SLC2A12: variants seen among roughly 807,000 people sequenced by gnomAD.
SLC2A12 encodes the protein solute carrier family 2 member 12.
SLC2A12 carries 23 observed loss-of-function variants against 41.8 expected under a neutral mutation model. The ratio of observed to expected loss-of-function variants is 0.55; its 90% CI spans 0.40 to 0.78. The LOEUF (loss-of-function observed/expected upper bound fraction) is 0.78. Ranked by LOEUF, SLC2A12 falls within the 30% of genes least tolerant of loss-of-function variation. The pLI, the probability that SLC2A12 is intolerant of heterozygous loss-of-function variation, is 0.00. For missense variants in SLC2A12, 654 were observed against 745.6 expected, an observed-to-expected ratio of 0.88 and a Z score of 1.43; for synonymous variants, 295 against 285.9, an observed-to-expected ratio of 1.03 and a Z score of -0.32.
chr6:134,045,283 G>T (rs1279384505), intron 1 of SLC2A12, among the ~76,000 whole-genome samples: 2 of 152,260 alleles, frequency 1.3e-5, no homozygotes, highest in African/African-American at 4.8e-5. Flanking sequence ...CAAATTCACA[G>T]ATTGGAAAGT....
At chr6:134,008,932 C>A (rs1257853460) in intron 2 of SLC2A12, 3 of 152,232 alleles carry the variant, frequency 2.0e-5, no homozygotes, top group Non-Finnish European at 4.4e-5. Flanking sequence ...AGGGTTTCTT[C>A]TTCCAGCTTC....
Position 134,028,768 on chromosome 6 carries a change from C to T in SLC2A12, c.1057G>A (p.Val353Met). ...SKTFLCIGSS[V>M]MAASLVTMGI... Reference sequence around the variant, plus strand: ...ATGGTCACCAACGAAGCTGCCATCACAGAGGAGCCAATGCAGAGGAATGTT... The same window carrying T: ...ATGGTCACCAACGAAGCTGCCATCATAGAGGAGCCAATGCAGAGGAATGTT... Residue 353 changes from valine (V) to methionine (M), a missense_variant, in exon 2 of 5, where the codon GTG (valine) becomes ATG (methionine). Physicochemically the swap from Val to Met is conservative, Grantham distance 21. Around this residue, in one of 3 missense-constraint regions of SLC2A12, gnomAD observed 411 missense variants for 412.1 expected, o/e 1.00. Transcript: ENST00000275230. The T allele has an allele frequency of 6.2e-7, 1 of 1,614,200 alleles. No homozygotes were observed. The highest frequency in any genetic ancestry group is 8.5e-7 in the Non-Finnish European group (1 of 1,180,026).
intron 1 of SLC2A12, 90 bp from the exon 2 acceptor site, chr6:134,029,811 T>C (rs893258441): frequency 6.8e-7 from 1 of 1,462,072 alleles, no homozygotes; most frequent in Non-Finnish European, 9.1e-7. Context: ...CTTGTAGAAG[T>C]CTTTCATAGC....
chr6:134,006,196 A>AAAAAAAAAAAAAAAAAAAAAAAAAAG (rs1776814038), intron 3 of SLC2A12, among the ~76,000 whole-genome samples: 1 of 150,568 alleles, frequency 6.6e-6, no homozygotes, highest in Non-Finnish European at 1.5e-5. Flanking sequence ...AAAAAAACAA[A>AAAAAAAAAAAAAAAAAAAAAAAAAAG]AAAAAAAACA....
At chr6:134,011,401 C>T (rs926718431) in intron 2 of SLC2A12, among the ~76,000 whole-genome samples, 6 of 151,890 alleles carry the variant, frequency 4.0e-5, no homozygotes, top group Non-Finnish European at 8.8e-5. Flanking sequence ...GCAGGTGGAT[C>T]GCTTGAGCCC....
intron 2 of SLC2A12, among the ~76,000 whole-genome samples, chr6:134,019,647 T>A (rs1777014982): frequency 1.3e-5 from 2 of 152,218 alleles, no homozygotes; most frequent in South Asian, 4.1e-4. Flanking sequence ...GCTCTTAGCC[T>A]CTCTGGGGCC....
chr6:134,046,900 TG>T (rs1488796052), intron 1 of SLC2A12, among the ~76,000 whole-genome samples: 2 of 152,270 alleles, frequency 1.3e-5, no homozygotes, highest in East Asian at 3.9e-4. Context: ...ATGATACCAG[TG>T]TGCAAAGGCA....
chr6:134,025,992 G>A (rs1300736250), intron 2 of SLC2A12, among the ~76,000 whole-genome samples: 1 of 152,178 alleles, frequency 6.6e-6, no homozygotes, highest in Non-Finnish European at 1.5e-5. Flanking sequence ...GAGATGGGTG[G>A]CATGAAATTG....
intron 2 of SLC2A12, among the ~76,000 whole-genome samples, chr6:134,023,565 T>C (rs964181269): frequency 6.6e-6 from 1 of 152,098 alleles, no homozygotes; most frequent in Non-Finnish European, 1.5e-5. Context: ...GAACTGGAAA[T>C]AAGCGAGAGT....
intron 2 of SLC2A12, among the ~76,000 whole-genome samples, chr6:134,014,812 G>T (rs142974107): frequency 1.5e-3 from 224 of 152,308 alleles, no homozygotes; most frequent in African/African-American, 5.2e-3. Flanking sequence ...GTGAGCAGTT[G>T]CCCATGGTGA....
At position 134,052,531 on chromosome 6, in the gene SLC2A12, C is replaced by T; in HGVS notation, c.-51G>A. On this transcript the variant is annotated 5_prime_UTR_variant, in exon 1 of 5. It adds an upstream start codon to the 5' untranslated region. Transcript: ENST00000275230. Reference sequence around the variant, plus strand: ...CCCCGCCACCAAACCGCCCCGACCACCCCCGCTCCCAGGAGTGGTCACTTT... The same window carrying T: ...CCCCGCCACCAAACCGCCCCGACCATCCCCGCTCCCAGGAGTGGTCACTTT... 6.9e-7 allele frequency: 1 copy of T among 1,450,160 alleles called. No homozygotes were observed. Among genetic ancestry groups the T allele is most frequent in the Non-Finnish European group, 9.6e-7 (1 of 1,038,530 alleles). 89.8% of individuals were successfully genotyped at this position (1,450,160 alleles called of 1,614,324 possible). A position where few individuals can be genotyped will look rare whatever the true frequency, so the allele number is the denominator to read the frequency against.
chr6:134,040,774 G>A (rs1169099221), intron 1 of SLC2A12, among the ~76,000 whole-genome samples: 1 of 152,240 alleles, frequency 6.6e-6, no homozygotes, highest in South Asian at 2.1e-4. Flanking sequence ...ATTGACCAGA[G>A]CCAGTGGGTG....
intron 2 of SLC2A12, among the ~76,000 whole-genome samples, chr6:134,012,136 T>G (rs1776895307): frequency 6.6e-6 from 1 of 152,228 alleles, no homozygotes; most frequent in Admixed American, 6.5e-5. Context: ...TTGTTCTTTT[T>G]TGTATTCTCA....
At position 134,010,309 on chromosome 6, in the gene SLC2A12, G is replaced by A. The variant is rs79029927; in HGVS notation, c.1445-3375C>T. ...TTCACTACCACAGCAAAAAAGTAGT[G>A]GCTCTCTCTGGGAATCTTCTTTATT... is the stretch of plus-strand genomic sequence containing the variant. On this transcript the variant is annotated intron_variant, in intron 2 of 4. Coordinates refer to ENST00000275230, the MANE Select transcript of SLC2A12 (RefSeq NM_145176.3). 2.2e-3 allele frequency among the ~76,000 whole-genome samples: 338 copies of A among 152,250 alleles called. 1 individual carries two copies. The highest frequency in any genetic ancestry group is 7.8e-3 in the African/African-American group (326 of 41,536).
chr6:134,048,524 G>A (rs6941795), intron 1 of SLC2A12, among the ~76,000 whole-genome samples: 8,189 of 152,120 alleles, frequency 0.054, 462 homozygotes, highest in African/African-American at 0.14. Context: ...AGCCAAGATC[G>A]CGCCATCTTA....
intron 1 of SLC2A12, among the ~76,000 whole-genome samples, chr6:134,036,669 G>T (rs2114494614): frequency 6.6e-6 from 1 of 152,286 alleles, no homozygotes; most frequent in Admixed American, 6.5e-5. Context: ...CCAGAATACT[G>T]ATCCTTACAC....
At chr6:134,045,012 G>A (rs1777437920) in intron 1 of SLC2A12, among the ~76,000 whole-genome samples, 1 of 152,194 alleles carries the variant, frequency 6.6e-6, no homozygotes, top group Non-Finnish European at 1.5e-5. Context: ...AATGGCACTA[G>A]AAGGTGGTAC....
At position 133,988,453 on chromosome 6, in the gene SLC2A12, C is replaced by T. The variant is rs958638869; in HGVS notation, c.*2702G>A. 1.3e-5 allele frequency: 2 copies of T among 152,132 alleles called. No individual in the cohort carries two copies. Among genetic ancestry groups the T allele is most frequent in the Admixed American group, 1.3e-4 (2 of 15,272 alleles). 9.4% of individuals were successfully genotyped at this position (152,132 alleles called of 1,614,324 possible). On this transcript the variant is annotated 3_prime_UTR_variant, in exon 5 of 5. Coordinates refer to ENST00000275230, the MANE Select transcript of SLC2A12 (RefSeq NM_145176.3). ...GGGGACAATATTCCAACACAATGTT[C>T]CACAAAAACTTGTATTTCCAAAATG...
intron 1 of SLC2A12, among the ~76,000 whole-genome samples, chr6:134,043,768 G>T (rs1777417090): frequency 2.7e-5 from 4 of 147,914 alleles, no homozygotes; most frequent in Admixed American, 2.7e-4. Context: ...CCCTAGCCTG[G>T]CGACAGAGCG....
Sources: gnomAD v4.1 joint callset for allele counts (sites outside exome capture counted in the v4.1 genomes callset) on GRCh38, gnomAD v4.1.1 for gene constraint, gnomAD v4.1.1 regional missense constraint, MANE v1.5 for transcripts, NCBI Gene and HGNC (gene_info 2026-07-23, HGNC 2026-07-21) for gene names.